ZNF181: variants seen among roughly 807,000 people sequenced by gnomAD.
ZNF181 encodes the protein zinc finger protein 181 (HHZ181).
Under a neutral mutation model 11.9 loss-of-function variants are expected in ZNF181, and 8 were observed. The observed-to-expected ratio is 0.67, with a 90% confidence interval of 0.39 to 1.21. ZNF181 has a LOEUF of 1.21. Ranked by LOEUF, ZNF181 falls within the 50% of genes most tolerant of loss-of-function variation. The pLI, the probability that ZNF181 is intolerant of heterozygous loss-of-function variation, is 0.01. For synonymous variants in ZNF181, 202 were observed against 221.1 expected (o/e 0.91, Z 0.77); for missense variants, 542 against 670.9 (o/e 0.81, Z 2.12).
At position 34,744,973 on chromosome 19, in the gene ZNF181, G is replaced by C. The variant is rs958868493; in HGVS notation, c.*2876G>C. ...CACATGATAATGCTTTACGTTTCTG[G>C]ATTTAAAGTGCCTTCACAATACAGA... On this transcript the variant is annotated 3_prime_UTR_variant, in exon 4 of 4. Transcript: ENST00000492450. The C allele has an allele frequency of 6.6e-6, 1 of 152,114 alleles. No homozygotes were observed. Among genetic ancestry groups the C allele is most frequent in the Non-Finnish European group, 1.5e-5 (1 of 68,010 alleles). The allele number at this position is 152,114 out of a possible 1,614,324, so 9.4% of individuals were successfully genotyped here.
chr19:34,740,576 A>AC (rs397730820), intron 3 of ZNF181, 35 bp from the exon 4 acceptor site: 41 of 1,518,864 alleles, frequency 2.7e-5, no homozygotes, highest in Non-Finnish European at 3.4e-5. Context: ...TTAAAAAAAA[A>AC]CAAAACAGTG....
At chr19:34,735,828 A>G (rs1044165522) in intron 1 of ZNF181, among the ~76,000 whole-genome samples, 3 of 152,140 alleles carry the variant, frequency 2.0e-5, no homozygotes, top group African/African-American at 7.2e-5. Context: ...ATACGCACAA[A>G]CTTGCATCCT....
At chr19:34,740,366 A>G (rs2068950944) in intron 3 of ZNF181, among the ~76,000 whole-genome samples, 1 of 152,022 alleles carries the variant, frequency 6.6e-6, no homozygotes, top group African/African-American at 2.4e-5. Context: ...TTTCCATACT[A>G]TTTCATCCAT....
rs2145429264 is a variant in ZNF181, at chr19:34,741,605, C to G, written c.1224C>G (p.Asn408Lys). 4.3e-6 allele frequency: 7 copies of G among 1,613,924 alleles called. 1 individual carries two copies. In the East Asian group the frequency reaches 8.9e-5, roughly 21 times the overall value. Residue 408 changes from asparagine (N) to lysine (K), a missense_variant, in exon 4 of 4, where the codon AAC becomes AAG. Transcript: ENST00000492450. ...IHTMEKQYEC[N>K]KCLKVFSSLS... Reference sequence around the variant, plus strand: ...CTATGGAGAAACAATATGAATGCAACAAATGTCTGAAAGTCTTTAGTAGCC... The same window carrying G: ...CTATGGAGAAACAATATGAATGCAAGAAATGTCTGAAAGTCTTTAGTAGCC...
chr19:34,742,120 T>G lies in ZNF181; in HGVS notation c.*23T>G, dbSNP rs778684675. On this transcript the variant is annotated 3_prime_UTR_variant, in exon 4 of 4. Transcript: ENST00000492450. ...TGAAGCAGTGGTTATCATGGTAAATTTCCTAGATTCTCCCTTATTTAACAT... is the reference window on the plus strand; with the variant it reads ...TGAAGCAGTGGTTATCATGGTAAATGTCCTAGATTCTCCCTTATTTAACAT... The G allele has an allele frequency of 3.3e-6, 5 of 1,515,258 alleles. No individual in the cohort carries two copies. The highest frequency in any genetic ancestry group is 4.4e-6 in the Non-Finnish European group (5 of 1,134,412). The allele number at this position is 1,515,258 out of a possible 1,614,324, so 93.9% of individuals were successfully genotyped here. A position where few individuals can be genotyped will look rare whatever the true frequency, so the allele number is the denominator to read the frequency against.
intron 3 of ZNF181, among the ~76,000 whole-genome samples, 162 bp downstream of exon 3, chr19:34,739,783 C>A (rs550465729): frequency 6.6e-6 from 1 of 152,138 alleles, no homozygotes; most frequent in African/African-American, 2.4e-5. Flanking sequence ...ATTTTCAAAA[C>A]AATTGTTCCT....
chr19:34,738,765 TTTAA>T (rs2145419395), intron 1 of ZNF181, among the ~76,000 whole-genome samples: 1 of 152,304 alleles, frequency 6.6e-6, no homozygotes, highest in South Asian at 2.1e-4. Flanking sequence ...ACCCTCATTT[TTTAA>T]TTACTTACCT....
chr19:34,736,346 C>A (rs1274200869), intron 1 of ZNF181: 3 of 608,164 alleles, frequency 4.9e-6, no homozygotes, highest in African/African-American at 1.8e-5. Flanking sequence ...ATTTCTTGAA[C>A]CCTGTGGTGT....
chr19:34,740,071 T>C (rs1175305218), intron 3 of ZNF181, among the ~76,000 whole-genome samples: 5 of 152,234 alleles, frequency 3.3e-5, no homozygotes, highest in South Asian at 2.1e-4. Flanking sequence ...TATTTTCTAA[T>C]GTCCAATAAA....
At position 34,739,499 on chromosome 19, in the gene ZNF181, A is replaced by G. The variant is rs1600141883; in HGVS notation, c.131-24A>G. The G allele has an allele frequency of 6.2e-6, 10 of 1,613,556 alleles. No individual in the cohort carries two copies. The East Asian group carries it at 2.2e-4, about 36-fold the overall frequency. ...CTCATAATAGAGGACCACGGCTTAA[A>G]CAATTCTGTATTCTTCCTGTAAGCA... On this transcript the variant is annotated intron_variant, in intron 2 of 3. Transcript: ENST00000492450.
intron 1 of ZNF181, chr19:34,736,350 G>A (rs1302183729): frequency 3.3e-6 from 2 of 607,310 alleles, no homozygotes; most frequent in East Asian, 5.5e-5. Context: ...CTTGAACCCT[G>A]TGGTGTGCGG....
intron 3 of ZNF181, 132 bp downstream of exon 3, chr19:34,739,753 T>C (rs779517073): frequency 2.6e-5 from 24 of 919,346 alleles, no homozygotes; most frequent in Non-Finnish European, 3.9e-5. Flanking sequence ...AAATGAAAAA[T>C]TGTGGGATAT....
At chr19:34,740,389 T>TC (rs2068951146) in intron 3 of ZNF181, among the ~76,000 whole-genome samples, 1 of 152,224 alleles carries the variant, frequency 6.6e-6, no homozygotes, top group African/African-American at 2.4e-5. Context: ...CATATATTTT[T>TC]CCCATTTCCA....
chr19:34,735,239 C>T (rs1180839414), intron 1 of ZNF181, among the ~76,000 whole-genome samples, 193 bp downstream of exon 1: 9 of 152,206 alleles, frequency 5.9e-5, no homozygotes, highest in African/African-American at 1.9e-4. Context: ...TTCCTCTTTT[C>T]TACAGTTTTC....
At chr19:34,737,005 C>T (rs2068898696) in intron 1 of ZNF181, among the ~76,000 whole-genome samples, 1 of 152,192 alleles carries the variant, frequency 6.6e-6, no homozygotes, top group South Asian at 2.1e-4. Context: ...CTCCAATTAA[C>T]AGGTGAATTT....
intron 1 of ZNF181, chr19:34,735,982 A>G (rs1401505684): frequency 1.8e-6 from 1 of 565,644 alleles, no homozygotes; most frequent in East Asian, 2.9e-5. Flanking sequence ...TGTGTCACTC[A>G]CTAGCTGATG....
In ZNF181 at chr19:34,734,790, C is replaced by T. The variant is rs2068862843; in HGVS notation, c.-248C>T. On this transcript the variant is annotated 5_prime_UTR_variant, in exon 1 of 4. Transcript: ENST00000492450. The stretch of plus-strand genomic sequence containing the variant: ...TATTTACAGAGTAATTGATTTTCCT[C>T]GCAGGTGGCACCTGGTAAATGGTTA... The T allele has an allele frequency of 4.0e-6, 2 of 504,772 alleles. No individual in the cohort carries two copies. Among genetic ancestry groups the T allele is most frequent in the South Asian group, 3.6e-5 (1 of 27,558 alleles). 31.3% of individuals were successfully genotyped at this position (504,772 alleles called of 1,614,324 possible). A position where few individuals can be genotyped will look rare whatever the true frequency, so the allele number is the denominator to read the frequency against.
intron 1 of ZNF181, 112 bp downstream of exon 1, chr19:34,735,158 A>G: frequency 8.0e-7 from 1 of 1,253,002 alleles, no homozygotes; most frequent in Non-Finnish European, 1.1e-6. Flanking sequence ...GACTGGATCC[A>G]TGGTTCCTTT....
rs2068956118 is a variant in ZNF181, at chr19:34,740,717, T to C, written c.336T>C (p.Tyr112=). The part of the protein sequence containing the change: ...VIIEKVVKQS[Y]EFSNSKKNLE... ...TAGAAAAAGTTGTAAAACAAAGTTA[T>C]GAATTTTCAAATTCTAAGAAGAATT... is the stretch of plus-strand genomic sequence containing the variant. Residue 112 remains tyrosine (Y), a synonymous_variant, in exon 4 of 4, where the codon TAT becomes TAC. Transcript: ENST00000492450. 21 of 1,613,318 alleles carry C rather than the reference T, an allele frequency of 1.3e-5. No homozygotes were observed. Among genetic ancestry groups the C allele is most frequent in the Non-Finnish European group, 1.8e-5 (21 of 1,179,720 alleles).
Sources: allele counts gnomAD v4.1 joint callset (sites outside exome capture counted in the v4.1 genomes callset), GRCh38; gene constraint gnomAD v4.1.1; transcripts MANE v1.5; gene names NCBI Gene and HGNC (gene_info 2026-07-23, HGNC 2026-07-21).